The following PTPRN2 variants were observed in gnomAD, a reference collection of about 807,000 sequenced individuals.
PTPRN2 encodes protein tyrosine phosphatase receptor type N2.
Under a neutral mutation model 118.8 loss-of-function variants are expected in PTPRN2, and 74 were observed. The ratio of observed to expected loss-of-function variants is 0.62; its 90% CI spans 0.52 to 0.76. The LOEUF is 0.76. Among genes scored for constraint, PTPRN2 ranks in the 30% least tolerant of loss-of-function variants. PTPRN2 has a pLI of 0.00. For missense variants in PTPRN2, 1,481 were observed against 1,394.4 expected, an observed-to-expected ratio of 1.06 and a Z score of -0.99; for synonymous variants, 641 against 608.0, an observed-to-expected ratio of 1.05 and a Z score of -0.80.
At chr7:157,775,535 G>A (rs942453301) in intron 12 of PTPRN2, among the ~76,000 whole-genome samples, 2 of 152,240 alleles carry the variant, frequency 1.3e-5, no homozygotes, top group African/African-American at 4.8e-5. Flanking sequence ...GAGGAGCGTG[G>A]AGCACGCCCG....
In PTPRN2 at chr7:158,526,827, C is replaced by G. The variant is rs147536751; in HGVS notation, c.113-37042G>C. On this transcript the variant is annotated intron_variant, in intron 1 of 22. Coordinates refer to ENST00000389418, the MANE Select transcript of PTPRN2 (RefSeq NM_002847.5). The surrounding 1 kb of genome is among the most constrained non-coding windows in gnomAD (Gnocchi z 5.2). Reference sequence around the variant, plus strand: ...CTGGGGGAACCTGCCCTGCCGTGCTCTCATCTTGGACTTTCGGCCTCCAGG... The same window carrying G: ...CTGGGGGAACCTGCCCTGCCGTGCTGTCATCTTGGACTTTCGGCCTCCAGG... Among the ~76,000 whole-genome samples, 1 of 152,072 alleles carries G rather than the reference C, an allele frequency of 6.6e-6. No homozygotes were observed. Among genetic ancestry groups the G allele is most frequent in the African/African-American group, 2.4e-5 (1 of 41,408 alleles).
intron 9 of PTPRN2, among the ~76,000 whole-genome samples, chr7:158,130,864 CAT>C (rs1347005420): frequency 6.7e-6 from 1 of 148,744 alleles, no homozygotes; most frequent in East Asian, 2.0e-4. Flanking sequence ...CACACACACT[CAT>C]ATACACGCAT....
chr7:158,515,131 C>A (rs1024061313), intron 1 of PTPRN2, among the ~76,000 whole-genome samples: 1 of 151,934 alleles, frequency 6.6e-6, no homozygotes, highest in Non-Finnish European at 1.5e-5. Flanking sequence ...AAGGGGCAGC[C>A]CCGGGCACAC....
In PTPRN2 at chr7:158,107,223, C is replaced by A. The variant is rs1815760525; in HGVS notation, c.1643+3606G>T. ...CTGTACATTAAGGTTATGTCATATA[C>A]ACCTACCCAGATCTGTCCCCTAAGT... On this transcript the variant is annotated intron_variant, in intron 10 of 22. Transcript: ENST00000389418. Among the ~76,000 whole-genome samples the A allele has an allele frequency of 2.0e-5, 3 of 152,082 alleles. No individual in the cohort carries two copies. The South Asian group carries it at 6.2e-4, about 32-fold the overall frequency.
At chr7:158,240,538 C>T (rs918103338) in intron 3 of PTPRN2, among the ~76,000 whole-genome samples, 10 of 152,188 alleles carry the variant, frequency 6.6e-5, no homozygotes, top group African/African-American at 2.4e-4. Flanking sequence ...AAGTGATTCT[C>T]CTGCCTCGGC....
chr7:158,051,241 G>GCCCAGCT (rs1809302732), intron 11 of PTPRN2, among the ~76,000 whole-genome samples: 1 of 152,216 alleles, frequency 6.6e-6, no homozygotes, highest in African/African-American at 2.4e-5. Flanking sequence ...CTCTGGACCA[G>GCCCAGCT]CTTGCTGAGG....
At position 157,674,528 on chromosome 7, in the gene PTPRN2, T is replaced by A. The variant is rs529666982; in HGVS notation, c.2001+8197A>T. On this transcript the variant is annotated intron_variant, in intron 13 of 22. Coordinates refer to ENST00000389418, the MANE Select transcript of PTPRN2 (RefSeq NM_002847.5). The surrounding 1 kb of genome is among the most constrained non-coding windows in gnomAD (Gnocchi z 4.5). ...CCTCATCCCACCACCCCGCGCAGCG[T>A]CTTGCCTCCTTTTATGCCGGTGTAC... Among the ~76,000 whole-genome samples the A allele has an allele frequency of 6.6e-6, 1 of 152,176 alleles. No individual in the cohort carries two copies. Among genetic ancestry groups the A allele is most frequent in the East Asian group, 1.9e-4 (1 of 5,178 alleles).
At chr7:158,327,372 CACAT>C (rs1482392597) in intron 2 of PTPRN2, among the ~76,000 whole-genome samples, 4 of 126,774 alleles carry the variant, frequency 3.2e-5, no homozygotes, top group Non-Finnish European at 7.0e-5. Flanking sequence ...TTGTCACACA[CACAT>C]TATCACATGC....
In PTPRN2 at chr7:158,040,776, G is replaced by A. The variant is rs573895017; in HGVS notation, c.1723+40522C>T. ...GAGATGGAATCTCACTCTATTGCTCGGGCTGAAGTGCAATGGCACAATCTC... is the reference window on the plus strand; with the variant it reads ...GAGATGGAATCTCACTCTATTGCTCAGGCTGAAGTGCAATGGCACAATCTC... On this transcript the variant is annotated intron_variant, in intron 11 of 22. Transcript: ENST00000389418. Among the ~76,000 whole-genome samples, 95 of 126,284 alleles carry A rather than the reference G, an allele frequency of 7.5e-4. 2 individuals carry two copies. The highest frequency in any genetic ancestry group is 2.6e-3 in the African/African-American group (84 of 32,434). 82.8% of individuals were successfully genotyped at this position (126,284 alleles called of 152,430 possible).
chr7:158,289,759 G>T (rs568837341), intron 3 of PTPRN2, among the ~76,000 whole-genome samples: 4 of 152,120 alleles, frequency 2.6e-5, no homozygotes, highest in Non-Finnish European at 5.9e-5. Context: ...GTTGCCTTAC[G>T]TTGATGTCTG....
intron 6 of PTPRN2, 29 bp from the exon 7 acceptor site, chr7:158,138,544 G>A (rs374303756): frequency 2.4e-4 from 384 of 1,590,628 alleles, no homozygotes; most frequent in Non-Finnish European, 2.9e-4. Flanking sequence ...ACACAAGGAC[G>A]TTGTGGGTGG....
At chr7:158,433,926 A>G (rs1816398621) in intron 2 of PTPRN2, among the ~76,000 whole-genome samples, 1 of 152,120 alleles carries the variant, frequency 6.6e-6, no homozygotes, top group African/African-American at 2.4e-5. Flanking sequence ...ATTTCTATTG[A>G]CATTTCTTCT....
At chr7:157,875,624 T>C (rs1040329603) in intron 12 of PTPRN2, among the ~76,000 whole-genome samples, 3 of 152,220 alleles carry the variant, frequency 2.0e-5, no homozygotes, top group Non-Finnish European at 4.4e-5. Flanking sequence ...TGTGGGGCCA[T>C]GGCCTGTGCA....
rs144135791 is a variant in PTPRN2, at chr7:158,255,369, G to A, written c.278-50096C>T. 2.4e-3 allele frequency among the ~76,000 whole-genome samples: 358 copies of A among 152,298 alleles called. 6 individuals are homozygous for A. Among genetic ancestry groups the A allele is most frequent in the Admixed American group, 0.018 (281 of 15,300 alleles). Reference sequence around the variant, plus strand: ...CTGGAAGAAAGTAGGCCCAGGGCAGGAGTCCACGGCCACAGGGAACAGGGA... The same window carrying A: ...CTGGAAGAAAGTAGGCCCAGGGCAGAAGTCCACGGCCACAGGGAACAGGGA... On this transcript the variant is annotated intron_variant, in intron 3 of 22. Transcript: ENST00000389418.
chr7:158,495,672 T>A (rs1327827397), intron 1 of PTPRN2, among the ~76,000 whole-genome samples: 1 of 152,148 alleles, frequency 6.6e-6, no homozygotes, highest in East Asian at 1.9e-4. Context: ...CAGGGCGGCA[T>A]CCAGGCAGGA....
rs1801802000 is a variant in PTPRN2 at position 157,964,831 on chromosome 7, T to C, written c.1724-66094A>G. ...TCCCCATGGCCTGTTCTTTCGACGA[T>C]CCTCCTCTTGCCCCAATTTCTCCAC... is the stretch of plus-strand genomic sequence containing the variant. On this transcript the variant is annotated intron_variant, in intron 11 of 22. Coordinates refer to ENST00000389418, the MANE Select transcript of PTPRN2 (RefSeq NM_002847.5). This position sits in a 1 kb window ranked among gnomAD's most constrained non-coding sequence, Gnocchi z 9.0. Among the ~76,000 whole-genome samples the C allele has an allele frequency of 6.6e-6, 1 of 152,202 alleles. No individual in the cohort carries two copies.
chr7:157,543,045 C>T (rs1470711751), intron 22 of PTPRN2, among the ~76,000 whole-genome samples: 2 of 152,178 alleles, frequency 1.3e-5, no homozygotes, highest in Non-Finnish European at 2.9e-5. Context: ...TCACCTAGAA[C>T]CATGCTCTAG....
At chr7:158,049,571 C>A (rs1401244649) in intron 11 of PTPRN2, among the ~76,000 whole-genome samples, 1 of 152,176 alleles carries the variant, frequency 6.6e-6, no homozygotes, top group Admixed American at 6.5e-5. Context: ...TTCCATGGCA[C>A]CAGCCTCACA....
intron 2 of PTPRN2, among the ~76,000 whole-genome samples, chr7:158,332,057 C>T (rs1804579395): frequency 6.6e-6 from 1 of 150,760 alleles, no homozygotes; most frequent in South Asian, 2.1e-4. Context: ...TAAGAGGTGA[C>T]ATCTGCAGAC....
Sources: allele counts gnomAD v4.1 joint callset (sites outside exome capture counted in the v4.1 genomes callset), GRCh38; gene constraint gnomAD v4.1.1; non-coding constraint Gnocchi (gnomAD v3.1); transcripts MANE v1.5; gene names NCBI Gene and HGNC (gene_info 2026-07-23, HGNC 2026-07-21).